Variants in ADCY7 observed in about 807,000 individuals in gnomAD.
ADCY7 encodes the protein adenylate cyclase 7.
Under a neutral mutation model 120.6 loss-of-function variants are expected in ADCY7, and 72 were observed. The observed-to-expected ratio is 0.60, with a 90% CI of 0.49 to 0.73. ADCY7 has a LOEUF of 0.73. Ranked by LOEUF, ADCY7 falls within the 30% of genes least tolerant of loss-of-function variation. The pLI is 0.00. For missense variants in ADCY7, 1,227 were observed against 1,486.0 expected, an observed-to-expected ratio of 0.83 and a Z score of 2.87; for synonymous variants, 661 against 628.0, an observed-to-expected ratio of 1.05 and a Z score of -0.78.
upstream of ADCY7, among the ~76,000 whole-genome samples, chr16:50,264,925 C>T (rs2033156162): frequency 1.3e-5 from 2 of 149,494 alleles, no homozygotes; most frequent in African/African-American, 4.9e-5. Flanking sequence ...CAACCTCTGC[C>T]TCCCAGGTTC....
chr16:50,287,141 G>A (rs1006008030), intron 1 of ADCY7, among the ~76,000 whole-genome samples: 1 of 151,584 alleles, frequency 6.6e-6, no homozygotes, highest in African/African-American at 2.4e-5. Context: ...TCAGCTTCCC[G>A]AGTAGCTGGG....
chr16:50,281,818 T>TG (rs2034285425), intron 1 of ADCY7, among the ~76,000 whole-genome samples: 1 of 152,194 alleles, frequency 6.6e-6, no homozygotes. Flanking sequence ...AGGTCAGGCT[T>TG]GCACTGGGCA....
At chr16:50,279,225 G>A (rs1050363865) in intron 1 of ADCY7, among the ~76,000 whole-genome samples, 14 of 152,128 alleles carry the variant, frequency 9.2e-5, no homozygotes, top group African/African-American at 3.1e-4. Context: ...TGTCACTGCT[G>A]GACCCACTGT....
At position 50,308,374 on chromosome 16, in the gene ADCY7, G is replaced by C. The variant is rs759426812; in HGVS notation, c.1898G>C (p.Gly633Ala). The C allele has an allele frequency of 1.9e-6, 3 of 1,614,164 alleles. No homozygotes were observed. ...TTCGGGCTGGTGGCCTGTGTACTGGGGCTGGTGCTGGGCCTGTGCTTTGCC... is the reference window on the plus strand; with the variant it reads ...TTCGGGCTGGTGGCCTGTGTACTGGCGCTGGTGCTGGGCCTGTGCTTTGCC... ...VSFGLVACVLGLVLGLCFATK... is the reference protein window; with the variant it reads ...VSFGLVACVLALVLGLCFATK... The change falls in exon 16 of 26, where the codon GGG becomes GCG. Residue 633 changes from glycine to alanine, a missense_variant. Gly to Ala is a moderately conservative substitution (Grantham distance 60). Coordinates refer to ENST00000673801, the MANE Select transcript of ADCY7 (RefSeq NM_001114.5).
At chr16:50,284,480 T>C (rs973319532) in intron 1 of ADCY7, among the ~76,000 whole-genome samples, 1 of 152,228 alleles carries the variant, frequency 6.6e-6, no homozygotes, top group African/African-American at 2.4e-5. Context: ...GTCCACACAC[T>C]CTCACACTTG....
chr16:50,308,481 T>C, intron 16 of ADCY7, 70 bp downstream of exon 16: 2 of 1,601,920 alleles, frequency 1.2e-6, no homozygotes, highest in Admixed American at 3.4e-5. Context: ...GAGCCCTCCC[T>C]GGTGAGCTTG....
intron 1 of ADCY7, among the ~76,000 whole-genome samples, chr16:50,253,895 G>A (rs908141500): frequency 5.3e-5 from 8 of 152,166 alleles, no homozygotes; most frequent in African/African-American, 1.9e-4. Context: ...ACCTCAGGAA[G>A]AACTTGTGTG....
chr16:50,314,237 A>C, intron 23 of ADCY7, 55 bp from the exon 24 acceptor site: 2 of 1,540,082 alleles, frequency 1.3e-6, no homozygotes, highest in Non-Finnish European at 1.8e-6. Flanking sequence ...GCCAGGGCCC[A>C]CTAGGTCTGG....
intron 2 of ADCY7, chr16:50,289,331 C>G (rs113878275): frequency 6.7e-6 from 3 of 446,824 alleles, no homozygotes; most frequent in Non-Finnish European, 1.3e-5. Flanking sequence ...CCACTGTGCC[C>G]GGCCTCAGAA....
At chr16:50,309,327 C>A in intron 17 of ADCY7, 1 of 517,392 alleles carries the variant, frequency 1.9e-6, no homozygotes, top group Non-Finnish European at 3.4e-6. Context: ...TGCTGCCGCT[C>A]TGGGGGTGTC....
At position 50,288,053 on chromosome 16, in the gene ADCY7, C is replaced by T. The variant is rs2034691261; in HGVS notation, c.-127C>T. Reference sequence around the variant, plus strand: ...CAGGCCCAGAGGCCCTCTCCCCAGCCCTGCTTGCCTGCCTCGGAGAGGACA... The same window carrying T: ...CAGGCCCAGAGGCCCTCTCCCCAGCTCTGCTTGCCTGCCTCGGAGAGGACA... On this transcript the variant is annotated 5_prime_UTR_variant, in exon 2 of 26. Transcript: ENST00000673801. The T allele has an allele frequency of 8.5e-7, 1 of 1,174,592 alleles. No individual in the cohort carries two copies. The highest frequency in any genetic ancestry group is 1.2e-6 in the Non-Finnish European group (1 of 863,962). The allele number at this position is 1,174,592 out of a possible 1,614,324, so 72.8% of individuals were successfully genotyped here. A position where few individuals can be genotyped will look rare whatever the true frequency, so the allele number is the denominator to read the frequency against.
intron 22 of ADCY7, chr16:50,313,717 A>C: frequency 1.8e-6 from 1 of 543,644 alleles, no homozygotes; most frequent in Non-Finnish European, 3.3e-6. Flanking sequence ...CTCTGTGCAG[A>C]CACAGATGGA....
chr16:50,267,673 G>C (rs2033307345), intron 1 of ADCY7, among the ~76,000 whole-genome samples: 1 of 152,200 alleles, frequency 6.6e-6, no homozygotes, highest in African/African-American at 2.4e-5. Context: ...GTTCTAGCCT[G>C]TGTGTGGAAG....
chr16:50,250,869 A>G (rs181709933), intron 1 of ADCY7, among the ~76,000 whole-genome samples: 31 of 152,338 alleles, frequency 2.0e-4, no homozygotes, highest in Non-Finnish European at 3.7e-4. Context: ...AATCTGGATT[A>G]AAAAGTATAG....
At chr16:50,267,267 C>T (rs1225673166) in intron 1 of ADCY7, among the ~76,000 whole-genome samples, 2 of 152,186 alleles carry the variant, frequency 1.3e-5, no homozygotes, top group African/African-American at 2.4e-5. Context: ...CTTTCTGGAG[C>T]GGGTCTTTCT....
chr16:50,284,174 T>TG (rs912618524), intron 1 of ADCY7, among the ~76,000 whole-genome samples: 3 of 152,054 alleles, frequency 2.0e-5, no homozygotes, highest in African/African-American at 7.3e-5. Flanking sequence ...CCACTGGTGG[T>TG]GGGTTCCTGG....
At chr16:50,279,305 G>A (rs1167566724) in intron 1 of ADCY7, among the ~76,000 whole-genome samples, 6 of 152,194 alleles carry the variant, frequency 3.9e-5, no homozygotes, top group African/African-American at 1.2e-4. Context: ...CGAGAACCAC[G>A]TGAGGTCCCC....
Position 50,314,271 on chromosome 16 carries a change from G to T in ADCY7, c.2857-21G>T. ...GGGGGCTCTGGAGATGCAAGGATCT[G>T]ACCCACAGCCTGTCCCGCAGGAGCT... On this transcript the variant is annotated intron_variant, in intron 23 of 25. Coordinates refer to ENST00000673801, the MANE Select transcript of ADCY7 (RefSeq NM_001114.5). 3 of 1,610,398 alleles carry T rather than the reference G, an allele frequency of 1.9e-6. No homozygotes were observed. The South Asian group carries it at 3.3e-5, about 18-fold the overall frequency.
At chr16:50,273,033 G>A (rs940723786) in intron 1 of ADCY7, among the ~76,000 whole-genome samples, 2 of 152,170 alleles carry the variant, frequency 1.3e-5, no homozygotes, top group African/African-American at 4.8e-5. Flanking sequence ...CTGCCCTTTG[G>A]GGGCAGGCAG....
Sources: gnomAD v4.1 joint callset for allele counts (sites outside exome capture counted in the v4.1 genomes callset) on GRCh38, gnomAD v4.1.1 for gene constraint, MANE v1.5 for transcripts, NCBI Gene and HGNC (gene_info 2026-07-23, HGNC 2026-07-21) for gene names.